AGAP1: variants seen among roughly 807,000 people sequenced by gnomAD.
AGAP1 encodes ArfGAP with GTPase domain, ankyrin repeat and PH domain 1.
AGAP1 carries 29 observed loss-of-function variants against 105.3 expected under a neutral mutation model. That is an observed-to-expected ratio of 0.28 (90% CI 0.21 to 0.38). The LOEUF (loss-of-function observed/expected upper bound fraction) is 0.38. Ranked by LOEUF, AGAP1 falls within the 10% of genes least tolerant of loss-of-function variation. The pLI, the probability that AGAP1 is intolerant of heterozygous loss-of-function variation, is 1.00. For synonymous variants in AGAP1, 509 were observed against 485.9 expected, an observed-to-expected ratio of 1.05 and a Z score of -0.63; for missense variants, 998 against 1,165.1, an observed-to-expected ratio of 0.86 and a Z score of 2.09.
Position 236,114,664 on chromosome 2 carries a change from A to G in AGAP1, c.2115-5528A>G, listed in dbSNP as rs1274290760. Among the ~76,000 whole-genome samples the G allele has an allele frequency of 6.6e-6, 1 of 152,126 alleles. No individual in the cohort carries two copies. The highest frequency in any genetic ancestry group is 1.5e-5 in the Non-Finnish European group (1 of 68,026). ...TGCTCAGAGGGAGAGAGACATCACCAGTGTCTCGTCCTCTTATACGGGCAC... is the reference window on the plus strand; with the variant it reads ...TGCTCAGAGGGAGAGAGACATCACCGGTGTCTCGTCCTCTTATACGGGCAC... On this transcript the variant is annotated intron_variant, in intron 16 of 17. Transcript: ENST00000304032. This position sits in a 1 kb window ranked among gnomAD's most constrained non-coding sequence, Gnocchi z 5.0.
chr2:236,122,552 C>A (rs185993582), intron 17 of AGAP1, among the ~76,000 whole-genome samples: 2 of 152,266 alleles, frequency 1.3e-5, no homozygotes, highest in South Asian at 2.1e-4. Flanking sequence ...GAGCAAAAAG[C>A]TTAAAAACGT....
At chr2:235,829,721 G>A (rs1487078888) in intron 9 of AGAP1, among the ~76,000 whole-genome samples, 1 of 152,206 alleles carries the variant, frequency 6.6e-6, no homozygotes, top group African/African-American at 2.4e-5. Context: ...TGGGGGCTTG[G>A]TGACCCAGCC....
At chr2:236,018,772 C>T (rs1268438314) in intron 13 of AGAP1, among the ~76,000 whole-genome samples, 2 of 152,150 alleles carry the variant, frequency 1.3e-5, no homozygotes, top group Admixed American at 6.5e-5. Context: ...AATTCGAGCC[C>T]GTCTATGAGG....
At chr2:235,554,944 A>G (rs1943927060) in intron 1 of AGAP1, among the ~76,000 whole-genome samples, 1 of 152,210 alleles carries the variant, frequency 6.6e-6, no homozygotes. Flanking sequence ...TGCCAGGATT[A>G]CAGGTGTGAG....
rs1950268181 is a variant in AGAP1 at position 235,701,704 on chromosome 2, G to A, written c.164-7475G>A. 6.6e-6 allele frequency among the ~76,000 whole-genome samples: 1 copy of A among 152,158 alleles called. No individual in the cohort carries two copies. Among genetic ancestry groups the A allele is most frequent in the Admixed American group, 6.5e-5 (1 of 15,278 alleles). On this transcript the variant is annotated intron_variant, in intron 1 of 17. Transcript: ENST00000304032. The surrounding 1 kb of genome is among the most constrained non-coding windows in gnomAD (Gnocchi z 4.1). ...CTTCTGCTAAGTCCTACATTTGAAAGTCATCAGCGGATTATGTCTGATCCA... is the reference window on the plus strand; with the variant it reads ...CTTCTGCTAAGTCCTACATTTGAAAATCATCAGCGGATTATGTCTGATCCA...
Position 235,621,187 on chromosome 2 carries a change from A to G in AGAP1, c.164-87992A>G, listed in dbSNP as rs544056937. 1.6e-3 allele frequency among the ~76,000 whole-genome samples: 236 copies of G among 152,038 alleles called. 2 individuals carry two copies. The highest frequency in any genetic ancestry group is 0.01 in the Middle Eastern group (3 of 294). On this transcript the variant is annotated intron_variant, in intron 1 of 17. Coordinates refer to ENST00000304032, the MANE Select transcript of AGAP1 (RefSeq NM_001037131.3). This position sits in a 1 kb window ranked among gnomAD's most constrained non-coding sequence, Gnocchi z 4.1. ...CAGGCGCCCGCCACCACACCCGGCT[A>G]TTTTTTGTATTTTTAGTACAGATAG...
chr2:235,797,986 A>T, intron 7 of AGAP1, 100 bp downstream of exon 7: 4 of 1,417,986 alleles, frequency 2.8e-6, no homozygotes, highest in Non-Finnish European at 3.8e-6. Context: ...TTTCTTTTCA[A>T]CTTTATAAGT....
Position 235,867,308 on chromosome 2 carries a change from G to A in AGAP1, c.1051-16037G>A, listed in dbSNP as rs1559583648. Among the ~76,000 whole-genome samples the A allele has an allele frequency of 6.6e-6, 1 of 152,182 alleles. No homozygotes were observed. Among genetic ancestry groups the A allele is most frequent in the Non-Finnish European group, 1.5e-5 (1 of 68,024 alleles). On this transcript the variant is annotated intron_variant, in intron 9 of 17. Coordinates refer to ENST00000304032, the MANE Select transcript of AGAP1 (RefSeq NM_001037131.3). The surrounding 1 kb of genome is among the most constrained non-coding windows in gnomAD (Gnocchi z 5.4). ...TGAACTACCTACCTCTCCCAGTTCA[G>A]GGCAAATGCAGCCATTCCAACCAAT...
In AGAP1 at chr2:235,956,626, C is replaced by T. The variant is rs13405772; in HGVS notation, c.1484-11836C>T. Reference sequence around the variant, plus strand: ...GAGCAGAGGAGTATGACCTGGGAGGCGAGAACACAGAGAAGCTTGAGAAGC... The same window carrying T: ...GAGCAGAGGAGTATGACCTGGGAGGTGAGAACACAGAGAAGCTTGAGAAGC... On this transcript the variant is annotated intron_variant, in intron 12 of 17. Coordinates refer to ENST00000304032, the MANE Select transcript of AGAP1 (RefSeq NM_001037131.3). Among the ~76,000 whole-genome samples the T allele has an allele frequency of 5.4e-3, 822 of 152,276 alleles. 6 individuals carry two copies. Among genetic ancestry groups the T allele is most frequent in the African/African-American group, 0.019 (777 of 41,568 alleles).
rs1335154255 is a variant in AGAP1 at position 235,927,574 on chromosome 2, C to T, written c.1325-3191C>T. Among the ~76,000 whole-genome samples, 2 of 152,156 alleles carry T rather than the reference C, an allele frequency of 1.3e-5. No individual in the cohort carries two copies. Among genetic ancestry groups the T allele is most frequent in the Non-Finnish European group, 2.9e-5 (2 of 68,018 alleles). On this transcript the variant is annotated intron_variant, in intron 11 of 17. Coordinates refer to ENST00000304032, the MANE Select transcript of AGAP1 (RefSeq NM_001037131.3). This position sits in a 1 kb window ranked among gnomAD's most constrained non-coding sequence, Gnocchi z 4.4. ...CATAAACCTAAGATGAGTTCTTGAT[C>T]AGCAACCTCCATTGGAACATTTCGT...
intron 9 of AGAP1, among the ~76,000 whole-genome samples, chr2:235,846,808 G>A (rs541151604): frequency 2.0e-5 from 3 of 151,952 alleles, no homozygotes; most frequent in East Asian, 1.9e-4. Flanking sequence ...GGCTTTTTTT[G>A]TAGAGAACAG....
chr2:235,770,584 A>G (rs1955365424), intron 6 of AGAP1, among the ~76,000 whole-genome samples: 1 of 152,194 alleles, frequency 6.6e-6, no homozygotes, highest in African/African-American at 2.4e-5. Context: ...ATGGATATTC[A>G]CGCAATCATA....
intron 12 of AGAP1, among the ~76,000 whole-genome samples, chr2:235,943,343 C>G (rs2125225694): frequency 6.7e-6 from 1 of 150,268 alleles, no homozygotes; most frequent in East Asian, 1.9e-4. Flanking sequence ...TGCAAAAAGG[C>G]AAAGACCTAA....
intron 10 of AGAP1, among the ~76,000 whole-genome samples, chr2:235,884,860 ACAGCAG>A (rs10526218): frequency 6.6e-5 from 10 of 151,282 alleles, no homozygotes; most frequent in South Asian, 4.2e-4. Context: ...AGTAATAGTC[ACAGCAG>A]CAGCAGCAGC....
rs1959233967 is a variant in AGAP1, at chr2:235,830,620, TG to T, written c.1050+23294del. Among the ~76,000 whole-genome samples, 1 of 91,940 alleles carries T rather than the reference TG, an allele frequency of 1.1e-5. No homozygotes were observed. Among genetic ancestry groups the T allele is most frequent in the African/African-American group, 4.4e-5 (1 of 22,562 alleles). 60.3% of individuals were successfully genotyped at this position (91,940 alleles called of 152,430 possible). ...CTCAGGGGGCTTGGAGTTTATTTGTTGGGGGAAGCAATGTTGGTAGGGGGTG... is the reference window on the plus strand; with the variant it reads ...CTCAGGGGGCTTGGAGTTTATTTGTTGGGGAAGCAATGTTGGTAGGGGGTG... On this transcript the variant is annotated intron_variant, in intron 9 of 17. Coordinates refer to ENST00000304032, the MANE Select transcript of AGAP1 (RefSeq NM_001037131.3). This position sits in a 1 kb window ranked among gnomAD's most constrained non-coding sequence, Gnocchi z 5.5.
rs923204461 is a variant in AGAP1, at chr2:235,600,351, A to T, written c.163+105502A>T. ...ATGGACTGTGCTGGAAACACTCAGT[A>T]GCAACTCAGGCTCAGGGAGCCCTCA... On this transcript the variant is annotated intron_variant, in intron 1 of 17. Transcript: ENST00000304032. This position sits in a 1 kb window ranked among gnomAD's most constrained non-coding sequence, Gnocchi z 4.8. Among the ~76,000 whole-genome samples, 1 of 152,082 alleles carries T rather than the reference A, an allele frequency of 6.6e-6. No homozygotes were observed.
At chr2:235,718,356 T>G in intron 3 of AGAP1, 1 of 985,300 alleles carries the variant, frequency 1.0e-6, no homozygotes, top group East Asian at 1.1e-4. Flanking sequence ...CTTCTTTTTC[T>G]TACTGGCTGT....
At chr2:235,840,273 C>A (rs920680208) in intron 9 of AGAP1, among the ~76,000 whole-genome samples, 1 of 152,148 alleles carries the variant, frequency 6.6e-6, no homozygotes, top group African/African-American at 2.4e-5. Context: ...ATTCTGATGG[C>A]TTCAGCCGCT....
Position 235,988,502 on chromosome 2 carries a change from G to C in AGAP1, c.1645+19879G>C, listed in dbSNP as rs190641179. 2.6e-5 allele frequency among the ~76,000 whole-genome samples: 4 copies of C among 152,080 alleles called. No individual in the cohort carries two copies. Among genetic ancestry groups the C allele is most frequent in the Non-Finnish European group, 4.4e-5 (3 of 68,026 alleles). Reference sequence around the variant, plus strand: ...CAGGAAGTGATTTCTGAACTTTAGCGTAAGTGTTCTCTGGCAGGTATGGCT... The same window carrying C: ...CAGGAAGTGATTTCTGAACTTTAGCCTAAGTGTTCTCTGGCAGGTATGGCT... On this transcript the variant is annotated intron_variant, in intron 13 of 17. Coordinates refer to ENST00000304032, the MANE Select transcript of AGAP1 (RefSeq NM_001037131.3). This position sits in a 1 kb window ranked among gnomAD's most constrained non-coding sequence, Gnocchi z 4.7.
Sources: allele counts gnomAD v4.1 joint callset (sites outside exome capture counted in the v4.1 genomes callset), GRCh38; gene constraint gnomAD v4.1.1; non-coding constraint Gnocchi (gnomAD v3.1); transcripts MANE v1.5; gene names NCBI Gene and HGNC (gene_info 2026-07-23, HGNC 2026-07-21).